The following BICDL1 variants were observed in gnomAD, a reference collection of about 807,000 sequenced individuals.
BICDL1 encodes BICD family-like cargo adapter 1.
In BICDL1, 20 loss-of-function variants were observed where a neutral mutation model predicts 76.8. The observed-to-expected ratio is 0.26, with a 90% CI of 0.18 to 0.38. The LOEUF (loss-of-function observed/expected upper bound fraction) is 0.38. Among genes scored for constraint, BICDL1 ranks in the 10% least tolerant of loss-of-function variants. BICDL1 has a pLI of 1.00. For synonymous variants in BICDL1, 383 were observed against 337.1 expected, an observed-to-expected ratio of 1.14 and a Z score of -1.49; for missense variants, 700 against 798.6, an observed-to-expected ratio of 0.88 and a Z score of 1.49.
At chr12:120,056,271 C>G (rs1555289553) in intron 2 of BICDL1, among the ~76,000 whole-genome samples, 1 of 152,112 alleles carries the variant, frequency 6.6e-6, no homozygotes, top group Non-Finnish European at 1.5e-5. Context: ...AAGAAAAATG[C>G]TTTAACTAAA....
chr12:120,019,378 C>T (rs966392608), intron 2 of BICDL1: 1 of 152,112 alleles, frequency 6.6e-6, no homozygotes, highest in Non-Finnish European at 1.5e-5. Context: ...TGTCTCATCA[C>T]CTGGGCATTA....
intron 2 of BICDL1, chr12:120,057,162 T>TA (rs1952992098): frequency 3.9e-6 from 2 of 513,460 alleles, no homozygotes; most frequent in Non-Finnish European, 7.8e-6. Context: ...ACAGAGAAAT[T>TA]ACATGGACAA....
intron 2 of BICDL1, among the ~76,000 whole-genome samples, chr12:120,044,162 A>T (rs1158913189): frequency 6.6e-6 from 1 of 152,198 alleles, no homozygotes; most frequent in East Asian, 1.9e-4. Context: ...TCTTGTTTTT[A>T]TGGTGGTGGG....
intron 2 of BICDL1, among the ~76,000 whole-genome samples, chr12:120,018,209 T>G (rs80231931): frequency 0.014 from 2,087 of 152,300 alleles, 44 homozygotes; most frequent in East Asian, 0.043. Flanking sequence ...GATCTGGGCA[T>G]CTAGATTTTT....
intron 4 of BICDL1, among the ~76,000 whole-genome samples, chr12:120,070,846 C>T (rs1207756651): frequency 5.3e-5 from 8 of 151,870 alleles, no homozygotes; most frequent in African/African-American, 1.9e-4. Context: ...ATTCTCCTGC[C>T]TCAGCCTCCC....
At chr12:120,081,427 C>G (rs1193433339) in intron 8 of BICDL1, among the ~76,000 whole-genome samples, 4 of 150,708 alleles carry the variant, frequency 2.7e-5, no homozygotes, top group African/African-American at 9.8e-5. Flanking sequence ...TCTCAGCTCC[C>G]TGCAACCTCT....
At chr12:120,065,312 C>G (rs1953197205) in intron 4 of BICDL1, among the ~76,000 whole-genome samples, 2 of 152,206 alleles carry the variant, frequency 1.3e-5, no homozygotes, top group African/African-American at 4.8e-5. Flanking sequence ...GAGCAGAAAC[C>G]TGAAGCTGCC....
intron 2 of BICDL1, among the ~76,000 whole-genome samples, chr12:120,059,733 C>CTT (rs1018790407): frequency 2.0e-5 from 3 of 151,640 alleles, no homozygotes; most frequent in Non-Finnish European, 4.4e-5. Flanking sequence ...TTGAGACAGG[C>CTT]TTTCACACTC....
intron 2 of BICDL1, among the ~76,000 whole-genome samples, chr12:120,011,774 C>A (rs1204150867): frequency 7.0e-6 from 1 of 142,894 alleles, no homozygotes; most frequent in Non-Finnish European, 1.5e-5. Flanking sequence ...TTTTCTCATT[C>A]CCATAAAGTC....
rs550207462 is a variant in BICDL1, at chr12:120,004,353, A to C, written c.645+5617A>C. 5.3e-5 allele frequency among the ~76,000 whole-genome samples: 8 copies of C among 152,288 alleles called. No homozygotes were observed. The South Asian group carries it at 1.7e-3, about 32-fold the overall frequency. On this transcript the variant is annotated intron_variant, in intron 2 of 9. Transcript: ENST00000548673. ...CTATGACTTTGGGTATTACTCCCTAATACCCAAAGAGAGAAGCTGTTTTGG... is the reference window on the plus strand; with the variant it reads ...CTATGACTTTGGGTATTACTCCCTACTACCCAAAGAGAGAAGCTGTTTTGG...
intron 2 of BICDL1, among the ~76,000 whole-genome samples, chr12:120,031,787 G>A (rs1485596106): frequency 1.3e-5 from 2 of 152,140 alleles, no homozygotes; most frequent in African/African-American, 4.8e-5. Context: ...CTACTGTCTT[G>A]ACAGTCTCAA....
intron 2 of BICDL1, among the ~76,000 whole-genome samples, chr12:120,007,506 G>A (rs1211067177): frequency 2.6e-5 from 4 of 152,128 alleles, no homozygotes; most frequent in African/African-American, 9.7e-5. Context: ...CTGAGTTCAT[G>A]CCTGTGAGGT....
rs111284897 is a variant in BICDL1, at chr12:120,010,549, C to T, written c.645+11813C>T. On this transcript the variant is annotated intron_variant, in intron 2 of 9. Coordinates refer to ENST00000548673, the MANE Select transcript of BICDL1 (RefSeq NM_001367886.1). The stretch of plus-strand genomic sequence containing the variant: ...TTGGAAAACCATTGGTTTCAATCAG[C>T]GGTTCTCAAACTATTCTGAGGAGCC... Among the ~76,000 whole-genome samples, 178 of 152,278 alleles carry T rather than the reference C, an allele frequency of 1.2e-3. 1 individual carries two copies. Among genetic ancestry groups the T allele is most frequent in the African/African-American group, 4.2e-3 (174 of 41,556 alleles).
chr12:120,020,298 C>T (rs1352039024), intron 2 of BICDL1, among the ~76,000 whole-genome samples: 1 of 152,164 alleles, frequency 6.6e-6, no homozygotes, highest in Non-Finnish European at 1.5e-5. Context: ...ACAGAGAAGC[C>T]AGTTGGAAGG....
At chr12:120,046,960 A>T (rs1426201977) in intron 2 of BICDL1, among the ~76,000 whole-genome samples, 1 of 152,232 alleles carries the variant, frequency 6.6e-6, no homozygotes, top group African/African-American at 2.4e-5. Context: ...AAACAAAAGC[A>T]GTATTAACAT....
chr12:120,020,181 G>A (rs1031305240), intron 2 of BICDL1, among the ~76,000 whole-genome samples: 4 of 142,934 alleles, frequency 2.8e-5, no homozygotes, highest in South Asian at 2.3e-4. Flanking sequence ...TTGATAGGGC[G>A]AGCCTGACAC....
chr12:120,025,013 T>C (rs534374568), intron 2 of BICDL1, among the ~76,000 whole-genome samples: 24 of 151,488 alleles, frequency 1.6e-4, no homozygotes, highest in East Asian at 7.8e-4. Flanking sequence ...GCCAAGTCCT[T>C]CTTCTTTAAA....
chr12:120,052,329 TTC>T (rs1163192662), intron 2 of BICDL1, among the ~76,000 whole-genome samples: 3 of 150,532 alleles, frequency 2.0e-5, no homozygotes, highest in African/African-American at 2.4e-5. Flanking sequence ...CTCTCTCTCT[TTC>T]TCTGTTTCTC....
intron 8 of BICDL1, 26 bp from the exon 9 acceptor site, chr12:120,089,925 G>T: frequency 1.2e-6 from 2 of 1,612,558 alleles, no homozygotes; most frequent in South Asian, 2.2e-5. Flanking sequence ...AGGTGTCCAT[G>T]TTCACCCTGG....
Sources: allele counts gnomAD v4.1 joint callset (sites outside exome capture counted in the v4.1 genomes callset), GRCh38; gene constraint gnomAD v4.1.1; transcripts MANE v1.5; gene names NCBI Gene and HGNC (gene_info 2026-07-23, HGNC 2026-07-21).